SLC6A16: variants seen among roughly 807,000 people sequenced by gnomAD.
SLC6A16 encodes the protein orphan sodium- and chloride-dependent neurotransmitter transporter NTT5.
SLC6A16 carries 54 observed loss-of-function variants against 65.4 expected under a neutral mutation model. The observed-to-expected ratio is 0.83, with a 90% CI of 0.66 to 1.04. SLC6A16 has a LOEUF of 1.04. Ranked by LOEUF, SLC6A16 falls within the 50% of genes least tolerant of loss-of-function variation. The pLI, the probability that SLC6A16 is intolerant of heterozygous loss-of-function variation, is 0.00. For synonymous variants in SLC6A16, 330 were observed against 346.5 expected, an observed-to-expected ratio of 0.95 and a Z score of 0.53; for missense variants, 816 against 914.0, an observed-to-expected ratio of 0.89 and a Z score of 1.38.
rs532963627 is a variant in SLC6A16, at chr19:49,306,548, T to G, written c.1229+2328A>C. ...CTTAGTTCTTTGTTTTTTTTTTTTC[T>G]TTTTTTTTTTTTTGAGAGAGAGTCT... On this transcript the variant is annotated intron_variant, in intron 7 of 11. Coordinates refer to ENST00000335875, the MANE Select transcript of SLC6A16 (RefSeq NM_014037.3). Among the ~76,000 whole-genome samples the G allele has an allele frequency of 5.5e-3, 730 of 131,792 alleles. 4 individuals carry two copies. Among genetic ancestry groups the G allele is most frequent in the African/African-American group, 0.023 (681 of 29,784 alleles). 86.5% of individuals were successfully genotyped at this position (131,792 alleles called of 152,430 possible).
intron 1 of SLC6A16, among the ~76,000 whole-genome samples, chr19:49,319,493 A>G (rs1970673407): frequency 6.6e-6 from 1 of 150,900 alleles, no homozygotes; most frequent in Non-Finnish European, 1.5e-5. Context: ...ACATATACTT[A>G]TACATATATG....
the SLC6A16 span, chr19:49,331,725 C>A: frequency 2.2e-6 from 1 of 457,012 alleles, no homozygotes; most frequent in African/African-American, 2.0e-5. Context: ...CAGGCTGAGT[C>A]TAGAAATGGG....
Position 49,310,960 on chromosome 19 carries a change from C to T in SLC6A16, c.388G>A (p.Ala130Thr), listed in dbSNP as rs369603407. 2.1e-5 allele frequency: 34 copies of T among 1,613,742 alleles called. No individual in the cohort carries two copies. The highest frequency in any genetic ancestry group is 2.7e-5 in the Non-Finnish European group (32 of 1,179,834). ...CCTCCACTGTTAAGCCACAGGTAGG[C>T]AAAGCGCCAGAGACAAGATGGCTTC... ...SMKPSCLWRF[A>T]YLWLNSGGCS... The change falls in exon 2 of 12, where the codon GCC (alanine) becomes ACC (threonine). Residue 130 changes from alanine (A) to threonine (T), a missense_variant. Physicochemically the swap from Ala to Thr is moderately conservative, Grantham distance 58. Coordinates refer to ENST00000335875, the MANE Select transcript of SLC6A16 (RefSeq NM_014037.3).
the SLC6A16 span, chr19:49,336,767 G>A: frequency 6.6e-6 from 5 of 762,044 alleles, no homozygotes; most frequent in South Asian, 7.3e-5. Flanking sequence ...AGGAAACAGG[G>A]ACTCAGGGTG....
rs944482696 is a variant in SLC6A16 at position 49,292,940 on chromosome 19, C to T, written c.1778+283G>A. Reference sequence around the variant, plus strand: ...ACGTTTTTATTCTTTATTTGCTAATCTGGTTATTGTCTCTCTAGACCACTA... The same window carrying T: ...ACGTTTTTATTCTTTATTTGCTAATTTGGTTATTGTCTCTCTAGACCACTA... On this transcript the variant is annotated intron_variant, in intron 10 of 11. Transcript: ENST00000335875. This position sits in a 1 kb window ranked among gnomAD's most constrained non-coding sequence, Gnocchi z 4.3. 6.6e-6 allele frequency among the ~76,000 whole-genome samples: 1 copy of T among 152,166 alleles called. No individual in the cohort carries two copies. Among genetic ancestry groups the T allele is most frequent in the African/African-American group, 2.4e-5 (1 of 41,436 alleles).
chr19:49,310,054 T>C lies in SLC6A16; in HGVS notation c.686A>G (p.Asn229Ser). Residue 229 changes from asparagine (N) to serine (S), a missense_variant, in exon 4 of 12, where the codon AAC becomes AGC. Physicochemically the swap from Asn to Ser is conservative, Grantham distance 46 (BLOSUM62 1). Transcript: ENST00000335875. ...TTCCTCCTCACCAAAGCCACTAGAG[T>C]TCATCGTTAAGGGACATTTCTCCCA... Reference protein sequence around the residue: ...VPWEKCPLTMNSSGFDPECER... With the variant: ...VPWEKCPLTMSSSGFDPECER... 6.2e-7 allele frequency: 1 copy of C among 1,613,920 alleles called. No homozygotes were observed.
the SLC6A16 span, chr19:49,339,259 T>G: frequency 3.5e-6 from 5 of 1,421,844 alleles, no homozygotes; most frequent in Non-Finnish European, 4.9e-6. This position sits in a 1 kb window ranked among gnomAD's most constrained non-coding sequence, Gnocchi z 4.5. Context: ...AGGGTTGGCC[T>G]GAAAAGAACG....
intron 1 of SLC6A16, among the ~76,000 whole-genome samples, chr19:49,313,500 C>A (rs1970562512): frequency 6.6e-6 from 1 of 151,952 alleles, no homozygotes; most frequent in African/African-American, 2.4e-5. Context: ...AAAAATACGG[C>A]CAGGCATGGT....
chr19:49,336,690 G>GTGGTCGCC, the SLC6A16 span: 1 of 538,712 alleles, frequency 1.9e-6, no homozygotes, highest in East Asian at 3.2e-5. Flanking sequence ...GGAAGGAGAG[G>GTGGTCGCC]GTAAGAGGAA....
chr19:49,303,370 C>T (rs535603702), intron 7 of SLC6A16, among the ~76,000 whole-genome samples: 9 of 152,160 alleles, frequency 5.9e-5, no homozygotes, highest in East Asian at 1.9e-4. Flanking sequence ...GTATGTAGGC[C>T]GGGCAGGGTG....
chr19:49,325,071 G>C lies in SLC6A16; in HGVS notation c.-88C>G. On this transcript the variant is annotated 5_prime_UTR_variant, in exon 1 of 12. Transcript: ENST00000335875. Reference sequence around the variant, plus strand: ...ACCCTAGCCCCAAGGCTTCTGCCAGGTTCTTCAGTCCAGCCAGTCGGACAA... The same window carrying C: ...ACCCTAGCCCCAAGGCTTCTGCCAGCTTCTTCAGTCCAGCCAGTCGGACAA... The C allele has an allele frequency of 1.0e-6, 1 of 985,568 alleles. No individual in the cohort carries two copies. The highest frequency in any genetic ancestry group is 1.2e-6 in the Non-Finnish European group (1 of 830,066). 61.1% of individuals were successfully genotyped at this position (985,568 alleles called of 1,614,324 possible).
chr19:49,290,642 A>C lies in SLC6A16; in HGVS notation c.1904T>G (p.Met635Arg), dbSNP rs773700715. The C allele has an allele frequency of 1.2e-6, 2 of 1,614,186 alleles. No individual in the cohort carries two copies. Among genetic ancestry groups the C allele is most frequent in the Non-Finnish European group, 1.7e-6 (2 of 1,180,034 alleles). The change falls in exon 11 of 12, where the codon ATG becomes AGG. Residue 635 changes from methionine to arginine, a missense_variant. Met to Arg is a moderately conservative substitution (Grantham distance 91). Transcript: ENST00000335875. ...CCAGGACATGTAGGTGATCGGCTTC[A>C]TACAAAGATGAACCATCATGGTCAC... Reference protein sequence around the residue: ...IFVTMMVHLCMKPITYMSWDS... With the variant: ...IFVTMMVHLCRKPITYMSWDS...
chr19:49,307,051 CTTTT>C (rs1197711801), intron 7 of SLC6A16, among the ~76,000 whole-genome samples: 1 of 61,030 alleles, frequency 1.6e-5, no homozygotes, highest in Non-Finnish European at 2.8e-5. Flanking sequence ...GTTTTATACA[CTTTT>C]TTTTTTTTTT....
At position 49,303,510 on chromosome 19, in the gene SLC6A16, C is replaced by G. The variant is rs1770234802; in HGVS notation, c.1229+5366G>C. On this transcript the variant is annotated intron_variant, in intron 7 of 11. Transcript: ENST00000335875. ...TCTCTACTAAGAATACAAAAATTGG[C>G]TGGGCATGGTGGCGCCCACCTGTAG... is the stretch of plus-strand genomic sequence containing the variant. Among the ~76,000 whole-genome samples, 5 of 152,082 alleles carry G rather than the reference C, an allele frequency of 3.3e-5. No homozygotes were observed. The South Asian group carries it at 1.0e-3, about 32-fold the overall frequency.
chr19:49,301,153 A>C lies in SLC6A16; in HGVS notation c.1230-6600T>G, dbSNP rs569246683. ...GAGAAAGAACCCTAGAAAAACCCAT[A>C]CAGAAAGGGTGGAAAGAACAATTCC... is the stretch of plus-strand genomic sequence containing the variant. On this transcript the variant is annotated intron_variant, in intron 7 of 11. Coordinates refer to ENST00000335875, the MANE Select transcript of SLC6A16 (RefSeq NM_014037.3). 2.0e-5 allele frequency among the ~76,000 whole-genome samples: 3 copies of C among 152,332 alleles called. No individual in the cohort carries two copies. The South Asian group carries it at 6.2e-4, about 32-fold the overall frequency.
At position 49,290,845 on chromosome 19, in the gene SLC6A16, A is replaced by G. The variant is rs1047079808; in HGVS notation, c.1779-78T>C. The stretch of plus-strand genomic sequence containing the variant: ...GAGGCAGGGCCAGCCCAACCTTGGC[A>G]TCTTTCAAACATTCTATTGTATCTC... On this transcript the variant is annotated intron_variant, in intron 10 of 11. Coordinates refer to ENST00000335875, the MANE Select transcript of SLC6A16 (RefSeq NM_014037.3). 5.7e-6 allele frequency: 7 copies of G among 1,221,302 alleles called. No homozygotes were observed. The African/African-American group carries it at 1.1e-4, about 19-fold the overall frequency. The allele number at this position is 1,221,302 out of a possible 1,614,324, so 75.7% of individuals were successfully genotyped here. A position where few individuals can be genotyped will look rare whatever the true frequency, so the allele number is the denominator to read the frequency against.
upstream of SLC6A16, among the ~76,000 whole-genome samples, chr19:49,327,841 T>C (rs1158462225): frequency 6.6e-6 from 1 of 152,148 alleles, no homozygotes; most frequent in Non-Finnish European, 1.5e-5. Flanking sequence ...GCAAAAGCCT[T>C]GAGGCAAGAA....
At chr19:49,310,717 C>G (rs1970502971) in intron 2 of SLC6A16, among the ~76,000 whole-genome samples, 1 of 152,218 alleles carries the variant, frequency 6.6e-6, no homozygotes, top group African/African-American at 2.4e-5. Flanking sequence ...TAGTTTCCAG[C>G]CCATCTTGGG....
chr19:49,337,537 A>C, the SLC6A16 span: 1 of 902,376 alleles, frequency 1.1e-6, no homozygotes, highest in Non-Finnish European at 1.6e-6. Flanking sequence ...TGGGAGGATC[A>C]CTTGAGCCAG....
Sources: allele counts gnomAD v4.1 joint callset (sites outside exome capture counted in the v4.1 genomes callset), GRCh38; gene constraint gnomAD v4.1.1; non-coding constraint Gnocchi (gnomAD v3.1); transcripts MANE v1.5; gene names NCBI Gene and HGNC (gene_info 2026-07-23, HGNC 2026-07-21).